Variants in PIEZO2 observed in about 807,000 individuals in gnomAD.
The protein encoded by PIEZO2 is piezo-type mechanosensitive ion channel component 2.
Under a neutral mutation model 337.3 loss-of-function variants are expected in PIEZO2, and 172 were observed. The observed-to-expected ratio is 0.51, with a 90% CI of 0.45 to 0.58. PIEZO2 has a LOEUF of 0.58. PIEZO2 is among the 20% of genes least tolerant of loss of function. PIEZO2 has a pLI of 0.00. For synonymous variants in PIEZO2, 1,251 were observed against 1,228.5 expected, an observed-to-expected ratio of 1.02 and a Z score of -0.38; for missense variants, 3,028 against 3,391.3, an observed-to-expected ratio of 0.89 and a Z score of 2.66.
chr18:10,835,763 C>T (rs1171453505), intron 7 of PIEZO2, among the ~76,000 whole-genome samples: 2 of 152,206 alleles, frequency 1.3e-5, no homozygotes, highest in Admixed American at 1.3e-4. Context: ...AGGCTGGTCT[C>T]GAACTCCTGA....
At position 11,002,095 on chromosome 18, in the gene PIEZO2, T is replaced by C. The variant is rs182115075; in HGVS notation, c.161-22435A>G. Among the ~76,000 whole-genome samples, 8 of 152,290 alleles carry C rather than the reference T, an allele frequency of 5.3e-5. No homozygotes were observed. The East Asian group carries it at 1.4e-3, about 26-fold the overall frequency. On this transcript the variant is annotated intron_variant, in intron 2 of 55. Transcript: ENST00000674853. This position sits in a 1 kb window ranked among gnomAD's most constrained non-coding sequence, Gnocchi z 4.3. ...GACTCAATTCTGCTACTGTAGCAAA[T>C]AGCCATAGAAAATACATGGACGAAT...
Position 10,701,845 on chromosome 18 carries a change from T to A in PIEZO2, c.6441+144A>T, listed in dbSNP as rs557554916. ...TTTCTTTTCTCTCTCTTTTTTTTTT[T>A]AAAAAAAACATATGAGTAGATACCA... On this transcript the variant is annotated intron_variant, in intron 43 of 55. Transcript: ENST00000674853. 2,419 of 316,098 alleles carry A rather than the reference T, an allele frequency of 7.7e-3. 26 individuals carry two copies. The highest frequency in any genetic ancestry group is 0.059 in the African/African-American group (1,791 of 30,184). The allele number at this position is 316,098 out of a possible 1,614,324, so 19.6% of individuals were successfully genotyped here. A position where few individuals can be genotyped will look rare whatever the true frequency, so the allele number is the denominator to read the frequency against.
chr18:10,849,439 G>T (rs1211926515), intron 7 of PIEZO2, among the ~76,000 whole-genome samples: 1 of 152,162 alleles, frequency 6.6e-6, no homozygotes, highest in African/African-American at 2.4e-5. Context: ...AGTTTATCAC[G>T]TACAGGTGTG....
chr18:11,133,823 T>TATAC (rs1054008658), intron 1 of PIEZO2, among the ~76,000 whole-genome samples: 1 of 150,442 alleles, frequency 6.6e-6, no homozygotes, highest in African/African-American at 2.4e-5. Flanking sequence ...TATATATATA[T>TATAC]ACTTAATAAA....
chr18:11,053,983 C>T (rs781245715), intron 2 of PIEZO2, among the ~76,000 whole-genome samples: 1 of 152,196 alleles, frequency 6.6e-6, no homozygotes. Context: ...GAGATCACAT[C>T]ACTGCACTCC....
At chr18:10,958,997 T>C (rs181899363) in intron 3 of PIEZO2, among the ~76,000 whole-genome samples, 1 of 152,172 alleles carries the variant, frequency 6.6e-6, no homozygotes, top group Non-Finnish European at 1.5e-5. Flanking sequence ...ATTCCAAGAG[T>C]AAAATAAATG....
chr18:10,919,276 T>A (rs1192939011), intron 3 of PIEZO2, among the ~76,000 whole-genome samples: 4 of 152,256 alleles, frequency 2.6e-5, no homozygotes, highest in East Asian at 3.9e-4. Flanking sequence ...TGCAGCCAAT[T>A]CATTTGCCCT....
chr18:10,759,416 C>A lies in PIEZO2; in HGVS notation c.3757+66G>T, dbSNP rs1006521067. On this transcript the variant is annotated intron_variant, in intron 26 of 55. Coordinates refer to ENST00000674853, the MANE Select transcript of PIEZO2 (RefSeq NM_001378183.1). The surrounding 1 kb of genome is among the most constrained non-coding windows in gnomAD (Gnocchi z 5.5). ...AGACAAAAGGCACTAATGCATAGCA[C>A]GTGAACAATGATTAACAGTAAACCC... 1.4e-5 allele frequency: 19 copies of A among 1,357,154 alleles called. No individual in the cohort carries two copies. In the South Asian group the frequency reaches 2.1e-4, roughly 15 times the overall value. The allele number at this position is 1,357,154 out of a possible 1,614,324, so 84.1% of individuals were successfully genotyped here.
intron 1 of PIEZO2, among the ~76,000 whole-genome samples, chr18:11,079,906 G>A (rs2038678631): frequency 6.6e-6 from 1 of 152,202 alleles, no homozygotes; most frequent in Non-Finnish European, 1.5e-5. Context: ...GTGTGCCTGG[G>A]CATGGAACGA....
At chr18:10,974,188 G>C (rs999823651) in intron 3 of PIEZO2, among the ~76,000 whole-genome samples, 2 of 152,192 alleles carry the variant, frequency 1.3e-5, no homozygotes, top group African/African-American at 4.8e-5. Flanking sequence ...GCCGACGCTT[G>C]ATACCTTGAT....
chr18:10,955,537 C>T lies in PIEZO2; in HGVS notation c.286+23998G>A, dbSNP rs374420043. Among the ~76,000 whole-genome samples the T allele has an allele frequency of 1.1e-4, 16 of 152,214 alleles. No individual in the cohort carries two copies. In the South Asian group the frequency reaches 2.5e-3, roughly 24 times the overall value. On this transcript the variant is annotated intron_variant, in intron 3 of 55. Transcript: ENST00000674853. ...TGTGTAAACAACTTTAGAGAGTGCA[C>T]GCTTTGGAAGTAAACTGACCCCAAA...
intron 2 of PIEZO2, among the ~76,000 whole-genome samples, chr18:10,987,667 C>T (rs1221153697): frequency 1.3e-5 from 2 of 151,972 alleles, no homozygotes; most frequent in Admixed American, 6.6e-5. Context: ...ACACCAAAAG[C>T]ACAGGCAACA....
intron 2 of PIEZO2, among the ~76,000 whole-genome samples, chr18:11,008,186 G>T (rs1025267027): frequency 2.6e-5 from 4 of 152,090 alleles, no homozygotes; most frequent in African/African-American, 9.7e-5. Flanking sequence ...TCTTAGAAAG[G>T]AATCTTTTTG....
At chr18:10,839,598 GCC>G (rs1405435122) in intron 7 of PIEZO2, among the ~76,000 whole-genome samples, 1 of 152,176 alleles carries the variant, frequency 6.6e-6, no homozygotes, top group African/African-American at 2.4e-5. Flanking sequence ...ATGATGGCTG[GCC>G]CCATGTCTGG....
In PIEZO2 at chr18:10,791,202, T is replaced by C; in HGVS notation, c.1881A>G (p.Lys627=). 1.3e-6 allele frequency: 2 copies of C among 1,532,368 alleles called. No homozygotes were observed. Among genetic ancestry groups the C allele is most frequent in the Non-Finnish European group, 1.7e-6 (2 of 1,144,198 alleles). The allele number at this position is 1,532,368 out of a possible 1,614,324, so 94.9% of individuals were successfully genotyped here. A position where few individuals can be genotyped will look rare whatever the true frequency, so the allele number is the denominator to read the frequency against. The change falls in exon 14 of 56, where the codon AAA becomes AAG. Residue 627 remains lysine, a splice_region_variant and synonymous_variant. Coordinates refer to ENST00000674853, the MANE Select transcript of PIEZO2 (RefSeq NM_001378183.1). The stretch of plus-strand genomic sequence containing the variant: ...AGCCACACATATACACTAATTTACC[T>C]TTTTCTTCATTTTCCTGACTGCCAA... ...VKIGSQENEE[K]DEELQDIQVE...
intron 2 of PIEZO2, among the ~76,000 whole-genome samples, chr18:10,992,769 G>T (rs952753522): frequency 3.3e-5 from 5 of 152,180 alleles, no homozygotes; most frequent in Non-Finnish European, 5.9e-5. Context: ...TGTGAAGAAA[G>T]TCAGTGGGAG....
chr18:10,770,983 A>G (rs2143977521), intron 20 of PIEZO2, among the ~76,000 whole-genome samples: 1 of 152,266 alleles, frequency 6.6e-6, no homozygotes, highest in African/African-American at 2.4e-5. Context: ...CACCAGCCTC[A>G]GCCTCCCAAA....
rs945596566 is a variant in PIEZO2 at position 10,763,117 on chromosome 18, A to G, written c.2947-19T>C. The G allele has an allele frequency of 5.2e-6, 8 of 1,533,750 alleles. No individual in the cohort carries two copies. In the African/African-American group the frequency reaches 1.1e-4, roughly 21 times the overall value. ...GAGACACCTGAAAACGTAAAACCAGAAATGGGGACAAAAATACGTAACACG... is the reference window on the plus strand; with the variant it reads ...GAGACACCTGAAAACGTAAAACCAGGAATGGGGACAAAAATACGTAACACG... On this transcript the variant is annotated intron_variant, in intron 21 of 55. Transcript: ENST00000674853.
intron 1 of PIEZO2, among the ~76,000 whole-genome samples, chr18:11,098,301 T>C (rs1009592881): frequency 6.6e-6 from 1 of 151,576 alleles, no homozygotes; most frequent in Non-Finnish European, 1.5e-5. Flanking sequence ...AAAAGTAGTA[T>C]CCCAAAATGT....
Sources: allele counts gnomAD v4.1 joint callset (sites outside exome capture counted in the v4.1 genomes callset), GRCh38; gene constraint gnomAD v4.1.1; non-coding constraint Gnocchi (gnomAD v3.1); transcripts MANE v1.5; gene names NCBI Gene and HGNC (gene_info 2026-07-23, HGNC 2026-07-21).